ADK: variants seen among roughly 807,000 people sequenced by gnomAD.
The protein encoded by ADK is N6,N6-dimethyladenosine kinase.
A neutral mutation model predicts 44.7 loss-of-function variants in ADK; 24 were observed. The ratio of observed to expected loss-of-function variants is 0.54; its 90% CI spans 0.39 to 0.76. The LOEUF is 0.76. Among genes scored for constraint, ADK ranks in the 30% least tolerant of loss-of-function variants. ADK has a pLI of 0.00. For synonymous variants in ADK, 128 were observed against 142.6 expected (o/e 0.90, Z 0.73); for missense variants, 321 against 425.1 (o/e 0.76, Z 2.15).
chr10:74,471,959 A>T (rs918292371), intron 6 of ADK, among the ~76,000 whole-genome samples: 17 of 152,132 alleles, frequency 1.1e-4, no homozygotes, highest in Admixed American at 2.6e-4. Context: ...TAAAGAAATA[A>T]TTCTACTTCT....
chr10:74,319,710 C>T (rs1445215954), intron 4 of ADK, among the ~76,000 whole-genome samples: 2 of 152,002 alleles, frequency 1.3e-5, no homozygotes, highest in African/African-American at 2.4e-5. Flanking sequence ...TGGTAGTGTT[C>T]TTTTTTGATA....
intron 9 of ADK, among the ~76,000 whole-genome samples, chr10:74,642,714 T>A (rs955536029): frequency 6.6e-5 from 10 of 151,962 alleles, no homozygotes; most frequent in Non-Finnish European, 1.3e-4. Flanking sequence ...CATTCACACA[T>A]AATATATATA....
At chr10:74,659,125 A>G (rs1377996085) in intron 9 of ADK, among the ~76,000 whole-genome samples, 3 of 152,148 alleles carry the variant, frequency 2.0e-5, no homozygotes, top group African/African-American at 4.8e-5. Flanking sequence ...AGGCTGAGGC[A>G]GGAAGATCAC....
chr10:74,205,929 G>A (rs1273687490), intron 2 of ADK, among the ~76,000 whole-genome samples: 1 of 152,008 alleles, frequency 6.6e-6, no homozygotes, highest in African/African-American at 2.4e-5. Context: ...GGTATATAAC[G>A]TATCAAATTG....
At chr10:74,283,981 G>C (rs1207689756) in intron 3 of ADK, among the ~76,000 whole-genome samples, 2 of 143,848 alleles carry the variant, frequency 1.4e-5, no homozygotes, top group East Asian at 2.1e-4. Flanking sequence ...CGCCCAGCTC[G>C]CTCTTGTTTT....
At chr10:74,495,539 T>C (rs1370680366) in intron 6 of ADK, among the ~76,000 whole-genome samples, 1 of 152,222 alleles carries the variant, frequency 6.6e-6, no homozygotes, top group Non-Finnish European at 1.5e-5. Context: ...AATTTTCTTT[T>C]TGGGTGAACT....
chr10:74,415,375 C>T (rs1844333327), intron 6 of ADK, among the ~76,000 whole-genome samples: 1 of 152,118 alleles, frequency 6.6e-6, no homozygotes, highest in African/African-American at 2.4e-5. Flanking sequence ...AACTTATAAA[C>T]ATTCAGATGG....
chr10:74,558,479 C>G (rs182105462), intron 7 of ADK, among the ~76,000 whole-genome samples: 158 of 152,276 alleles, frequency 1.0e-3, no homozygotes, highest in African/African-American at 3.6e-3. Flanking sequence ...TAAATTCTCT[C>G]AAGATCTGAT....
At chr10:74,455,916 T>G (rs182185509) in intron 6 of ADK, among the ~76,000 whole-genome samples, 23 of 152,254 alleles carry the variant, frequency 1.5e-4, no homozygotes, top group African/African-American at 5.3e-4. Context: ...ACCTTTCTCT[T>G]TGGCTGCGCT....
chr10:74,676,316 G>T (rs1855388285), intron 10 of ADK, among the ~76,000 whole-genome samples: 1 of 152,130 alleles, frequency 6.6e-6, no homozygotes, highest in African/African-American at 2.4e-5. Context: ...TTTTAGTAGA[G>T]ATGGAGTTTT....
rs779408053 is a variant in ADK at position 74,614,018 on chromosome 10, G to C, written c.877+13525G>C. On this transcript the variant is annotated intron_variant, in intron 9 of 10. Coordinates refer to ENST00000539909, the MANE Select transcript of ADK (RefSeq NM_006721.4). Reference sequence around the variant, plus strand: ...ATATATTTCTCACCTATGAATGTAAGTTACTAAGTTATTAGCTCATGGTCC... The same window carrying C: ...ATATATTTCTCACCTATGAATGTAACTTACTAAGTTATTAGCTCATGGTCC... Among the ~76,000 whole-genome samples the C allele has an allele frequency of 1.2e-4, 18 of 152,118 alleles. 1 individual carries two copies. The highest frequency in any genetic ancestry group is 2.2e-4 in the Non-Finnish European group (15 of 68,000).
At chr10:74,485,245 G>C (rs1204926170) in intron 6 of ADK, among the ~76,000 whole-genome samples, 2 of 152,048 alleles carry the variant, frequency 1.3e-5, no homozygotes, top group Non-Finnish European at 1.5e-5. Flanking sequence ...ATTTACCTTA[G>C]AAGAAAATCA....
Position 74,506,399 on chromosome 10 carries a change from C to T in ADK, c.556-18857C>T, listed in dbSNP as rs2133481233. 7 of 218,932 alleles carry T rather than the reference C, an allele frequency of 3.2e-5. No individual in the cohort carries two copies. In the South Asian group the frequency reaches 4.4e-4, roughly 14 times the overall value. 13.6% of individuals were successfully genotyped at this position (218,932 alleles called of 1,614,324 possible). ...TGCTTCTTGGGAGCACTTCCAGCAT[C>T]ACTAGTGACATTTCATATGGGTCCC... On this transcript the variant is annotated intron_variant, in intron 6 of 10. Coordinates refer to ENST00000539909, the MANE Select transcript of ADK (RefSeq NM_006721.4).
chr10:74,608,216 C>G (rs931563381), intron 9 of ADK, among the ~76,000 whole-genome samples: 2 of 151,930 alleles, frequency 1.3e-5, no homozygotes, highest in Admixed American at 6.6e-5. Flanking sequence ...TACCCACCTT[C>G]TGAAGCCTAC....
At chr10:74,497,938 G>A (rs535192310) in intron 6 of ADK, among the ~76,000 whole-genome samples, 94 of 151,676 alleles carry the variant, frequency 6.2e-4, no homozygotes, top group African/African-American at 2.1e-3. Flanking sequence ...CACCCAGGCC[G>A]GAGTGCAATG....
intron 7 of ADK, among the ~76,000 whole-genome samples, chr10:74,532,213 G>C (rs977772469): frequency 6.6e-6 from 1 of 152,112 alleles, no homozygotes; most frequent in Non-Finnish European, 1.5e-5. Flanking sequence ...AAAAGCCCTC[G>C]GAGGCTGGGC....
intron 4 of ADK, among the ~76,000 whole-genome samples, chr10:74,322,270 C>G (rs962439789): frequency 5.9e-5 from 9 of 152,128 alleles, no homozygotes; most frequent in African/African-American, 1.4e-4. Context: ...ATGCTTTCAC[C>G]TGGAGCAGTT....
intron 9 of ADK, among the ~76,000 whole-genome samples, chr10:74,627,802 T>C (rs928152537): frequency 2.0e-5 from 3 of 152,114 alleles, no homozygotes; most frequent in African/African-American, 7.2e-5. Context: ...CTGGCTAATT[T>C]TTTTTGGTAT....
In ADK at chr10:74,385,436, T is replaced by G. The variant is rs575932207; in HGVS notation, c.274-8705T>G. On this transcript the variant is annotated intron_variant, in intron 4 of 10. Coordinates refer to ENST00000539909, the MANE Select transcript of ADK (RefSeq NM_006721.4). ...TTAGATCATATCCAGAGAAAGTATATACGGTAAGAATTGTAGGTAACCTGG... is the reference window on the plus strand; with the variant it reads ...TTAGATCATATCCAGAGAAAGTATAGACGGTAAGAATTGTAGGTAACCTGG... 1.2e-4 allele frequency among the ~76,000 whole-genome samples: 19 copies of G among 152,206 alleles called. 1 individual carries two copies. In the East Asian group the frequency reaches 3.3e-3, roughly 26 times the overall value.
Sources: gnomAD v4.1 joint callset for allele counts (sites outside exome capture counted in the v4.1 genomes callset) on GRCh38, gnomAD v4.1.1 for gene constraint, MANE v1.5 for transcripts, NCBI Gene and HGNC (gene_info 2026-07-23, HGNC 2026-07-21) for gene names.